ADCY2: variants seen among roughly 807,000 people sequenced by gnomAD.
ADCY2 encodes the protein adenylate cyclase 2.
ADCY2 carries 31 observed loss-of-function variants against 125.2 expected under a neutral mutation model. That is an observed-to-expected ratio of 0.25 (90% CI 0.19 to 0.33). ADCY2 has a LOEUF of 0.33. Among genes scored for constraint, ADCY2 ranks in the 10% least tolerant of loss-of-function variants. The pLI, the probability that ADCY2 is intolerant of heterozygous loss-of-function variation, is 1.00. For synonymous variants in ADCY2, 512 were observed against 548.4 expected (o/e 0.93, Z 0.93); for missense variants, 904 against 1,418.2 (o/e 0.64, Z 5.82).
chr5:7,449,994 C>G (rs1252721494), intron 2 of ADCY2, among the ~76,000 whole-genome samples: 2 of 152,162 alleles, frequency 1.3e-5, no homozygotes, highest in Non-Finnish European at 2.9e-5. Flanking sequence ...TTTGACTGCT[C>G]CACTGACCAG....
At chr5:7,781,842 C>A (rs1377272746) in intron 18 of ADCY2, among the ~76,000 whole-genome samples, 1 of 152,186 alleles carries the variant, frequency 6.6e-6, no homozygotes, top group Non-Finnish European at 1.5e-5. Context: ...CTCATGGACA[C>A]ACAAAGAGTG....
chr5:7,628,913 T>C (rs1033143896), intron 4 of ADCY2, among the ~76,000 whole-genome samples: 2 of 151,868 alleles, frequency 1.3e-5, no homozygotes, highest in African/African-American at 2.4e-5. Flanking sequence ...GTGACCTTCA[T>C]AGAAGGGAGA....
At chr5:7,595,770 C>A (rs1306393229) in intron 3 of ADCY2, among the ~76,000 whole-genome samples, 1 of 152,140 alleles carries the variant, frequency 6.6e-6, no homozygotes, top group Non-Finnish European at 1.5e-5. Context: ...CTCTTGGATA[C>A]ATTAAATCAC....
At chr5:7,806,460 A>T (rs911318891) in intron 22 of ADCY2, among the ~76,000 whole-genome samples, 1 of 152,204 alleles carries the variant, frequency 6.6e-6, no homozygotes, top group Non-Finnish European at 1.5e-5. Flanking sequence ...TGGGTGGCTT[A>T]AATGACAGAA....
intron 23 of ADCY2, among the ~76,000 whole-genome samples, chr5:7,817,814 C>T (rs1054666598): frequency 2.0e-5 from 2 of 99,204 alleles, no homozygotes; most frequent in Admixed American, 1.6e-4. Flanking sequence ...CAGAAAGAGA[C>T]GCTGTCACCA....
intron 3 of ADCY2, among the ~76,000 whole-genome samples, chr5:7,594,924 GCTT>G (rs1314112658): frequency 6.6e-6 from 1 of 152,214 alleles, no homozygotes; most frequent in Non-Finnish European, 1.5e-5. Context: ...CTCAAGGGCA[GCTT>G]CAAAGGACAG....
intron 2 of ADCY2, among the ~76,000 whole-genome samples, chr5:7,420,595 C>T (rs921928611): frequency 1.3e-5 from 2 of 152,302 alleles, no homozygotes; most frequent in Non-Finnish European, 2.9e-5. Flanking sequence ...CCCGAAGGTT[C>T]CCTCTGCTCT....
At chr5:7,575,368 T>A (rs1736215173) in intron 3 of ADCY2, among the ~76,000 whole-genome samples, 1 of 152,122 alleles carries the variant, frequency 6.6e-6, no homozygotes, top group Admixed American at 6.6e-5. Flanking sequence ...AACCTCAATT[T>A]TAATTTATTT....
chr5:7,619,969 G>C (rs1006650714), intron 3 of ADCY2, among the ~76,000 whole-genome samples: 1 of 152,138 alleles, frequency 6.6e-6, no homozygotes, highest in Non-Finnish European at 1.5e-5. Flanking sequence ...TGTTCTCAAT[G>C]AATTAATTTG....
chr5:7,724,210 C>T (rs1030069825), intron 12 of ADCY2, among the ~76,000 whole-genome samples: 2 of 146,822 alleles, frequency 1.4e-5, no homozygotes, highest in African/African-American at 5.0e-5. Flanking sequence ...ATTAAGGAAT[C>T]AAATTATTGA....
At chr5:7,619,952 G>A (rs1737899609) in intron 3 of ADCY2, among the ~76,000 whole-genome samples, 1 of 152,196 alleles carries the variant, frequency 6.6e-6, no homozygotes. Flanking sequence ...TTCTTGGAGG[G>A]AAACTGTGTT....
chr5:7,632,223 A>G (rs1374213808), intron 4 of ADCY2, among the ~76,000 whole-genome samples: 1 of 152,200 alleles, frequency 6.6e-6, no homozygotes, highest in Admixed American at 6.5e-5. Context: ...CGGCAGGTAC[A>G]GTTTGGCTCA....
At chr5:7,814,455 G>A (rs964688253) in intron 22 of ADCY2, among the ~76,000 whole-genome samples, 4 of 151,978 alleles carry the variant, frequency 2.6e-5, no homozygotes, top group Admixed American at 1.3e-4. Flanking sequence ...TGTTAAACAC[G>A]CTGTGATGTG....
intron 2 of ADCY2, among the ~76,000 whole-genome samples, chr5:7,517,034 A>G (rs116073998): frequency 1.1e-4 from 17 of 152,264 alleles, no homozygotes; most frequent in African/African-American, 3.8e-4. Context: ...ATCCTGCAAG[A>G]CAAACAGGTT....
intron 2 of ADCY2, among the ~76,000 whole-genome samples, chr5:7,504,141 G>A (rs1281148182): frequency 6.6e-6 from 1 of 152,206 alleles, no homozygotes; most frequent in Non-Finnish European, 1.5e-5. Context: ...TCAGCCGAAG[G>A]CATTCTGACT....
chr5:7,527,313 A>G (rs1197689516), intron 3 of ADCY2, among the ~76,000 whole-genome samples: 1 of 152,222 alleles, frequency 6.6e-6, no homozygotes, highest in Non-Finnish European at 1.5e-5. Context: ...GTACATATAC[A>G]TCGTGCCTGT....
intron 3 of ADCY2, among the ~76,000 whole-genome samples, chr5:7,592,287 T>C (rs1736869552): frequency 6.6e-6 from 1 of 152,190 alleles, no homozygotes. Context: ...CTAGAAATGT[T>C]TTCTTTCAGA....
chr5:7,674,758 C>G (rs1740059101), intron 4 of ADCY2, among the ~76,000 whole-genome samples: 1 of 152,152 alleles, frequency 6.6e-6, no homozygotes, highest in Non-Finnish European at 1.5e-5. Context: ...CTGGAATCTT[C>G]TTTCTCCTCT....
intron 2 of ADCY2, among the ~76,000 whole-genome samples, chr5:7,516,346 C>T (rs1225690884): frequency 2.0e-5 from 3 of 152,180 alleles, no homozygotes; most frequent in Admixed American, 1.3e-4. Context: ...ATCAGTAAGA[C>T]ATCCCATGAG....
Sources: gnomAD v4.1 joint callset for allele counts (sites outside exome capture counted in the v4.1 genomes callset) on GRCh38, gnomAD v4.1.1 for gene constraint, MANE v1.5 for transcripts, NCBI Gene and HGNC (gene_info 2026-07-23, HGNC 2026-07-21) for gene names.